The following PROM1 variants were observed in gnomAD, a reference collection of about 807,000 sequenced individuals.
PROM1 encodes the protein prominin-1.
A neutral mutation model predicts 116.9 loss-of-function variants in PROM1; 105 were observed. That is an observed-to-expected ratio of 0.90 (90% CI 0.77 to 1.06). The LOEUF is 1.06. Among genes scored for constraint, PROM1 ranks in the 50% least tolerant of loss-of-function variants. PROM1 has a pLI of 0.00. For synonymous variants in PROM1, 393 were observed against 387.0 expected (o/e 1.02, Z -0.18); for missense variants, 1,122 against 1,045.2 (o/e 1.07, Z -1.01).
At chr4:15,999,446 G>A (rs1723181873) in intron 14 of PROM1, among the ~76,000 whole-genome samples, 1 of 151,866 alleles carries the variant, frequency 6.6e-6, no homozygotes, top group African/African-American at 2.4e-5. Context: ...ACTCCAGCCT[G>A]GGTGACAGAG....
chr4:15,975,160 G>T (rs1246690034), intron 26 of PROM1, among the ~76,000 whole-genome samples: 1 of 152,126 alleles, frequency 6.6e-6, no homozygotes, highest in Non-Finnish European at 1.5e-5. Context: ...GTGGTCAAAG[G>T]GTGAATGTTT....
At chr4:16,038,431 C>T (rs1051406535) in intron 3 of PROM1, among the ~76,000 whole-genome samples, 1 of 152,168 alleles carries the variant, frequency 6.6e-6, no homozygotes, top group African/African-American at 2.4e-5. Flanking sequence ...GAGATGGAGT[C>T]TCACTCTGTC....
At chr4:16,023,190 CT>C in intron 8 of PROM1, 135 bp downstream of exon 8, 2 of 732,230 alleles carry the variant, frequency 2.7e-6, no homozygotes, top group Non-Finnish European at 2.4e-6. Context: ...GTGTCTTGAC[CT>C]GAACTGTCTG....
chr4:16,071,372 G>C (rs750640924), intron 2 of PROM1, among the ~76,000 whole-genome samples: 132 of 152,220 alleles, frequency 8.7e-4, no homozygotes, highest in Non-Finnish European at 1.7e-3. Context: ...CTCCAGCTCT[G>C]GTTCTCCCTA....
At chr4:16,038,122 A>G (rs1734342466) in intron 3 of PROM1, 1 of 152,204 alleles carries the variant, frequency 6.6e-6, no homozygotes, top group East Asian at 1.9e-4. Context: ...TTAACTAGAT[A>G]AGGTCCCTGC....
chr4:15,997,567 C>G (rs766294003), intron 15 of PROM1, among the ~76,000 whole-genome samples: 1 of 152,104 alleles, frequency 6.6e-6, no homozygotes, highest in Non-Finnish European at 1.5e-5. Flanking sequence ...TCAAGCAATT[C>G]TCTTGTCTCA....
In PROM1 at chr4:16,056,597, C is replaced by T. The variant is rs138303372; in HGVS notation, c.221-17596G>A. Among the ~76,000 whole-genome samples, 341 of 150,376 alleles carry T rather than the reference C, an allele frequency of 2.3e-3. 3 individuals are homozygous for T. The highest frequency in any genetic ancestry group is 8.1e-3 in the African/African-American group (329 of 40,850). On this transcript the variant is annotated intron_variant, in intron 2 of 27. Coordinates refer to ENST00000447510, the MANE Select transcript of PROM1 (RefSeq NM_006017.3). ...AGGTGAGGGGTGTTGGGGTGGAAGA[C>T]GATCTGTCCCTCTGAGATGACATTT...
intron 19 of PROM1, among the ~76,000 whole-genome samples, chr4:15,988,000 C>G (rs1719918206): frequency 1.3e-5 from 2 of 151,968 alleles, no homozygotes; most frequent in South Asian, 4.1e-4. Flanking sequence ...CCTCAGCCTC[C>G]TGAGTAGCTG....
intron 26 of PROM1, among the ~76,000 whole-genome samples, chr4:15,973,367 A>C (rs1217666161): frequency 6.6e-6 from 1 of 152,124 alleles, no homozygotes; most frequent in East Asian, 1.9e-4. Context: ...GAATCGCTTG[A>C]ACCCAGGAGG....
chr4:15,997,698 C>G (rs979607787), intron 15 of PROM1, among the ~76,000 whole-genome samples: 5 of 152,276 alleles, frequency 3.3e-5, no homozygotes, highest in African/African-American at 1.2e-4. Flanking sequence ...CTCCTGACCT[C>G]AGGTGATCCA....
chr4:16,058,128 G>C (rs1275942651), intron 2 of PROM1, among the ~76,000 whole-genome samples: 1 of 152,178 alleles, frequency 6.6e-6, no homozygotes, highest in Non-Finnish European at 1.5e-5. Context: ...GTAATGGAAG[G>C]AACAGGTTTC....
At chr4:16,056,965 G>A (rs1469199942) in intron 2 of PROM1, among the ~76,000 whole-genome samples, 1 of 152,220 alleles carries the variant, frequency 6.6e-6, no homozygotes, top group African/African-American at 2.4e-5. Flanking sequence ...ATTTCCATGC[G>A]AGCAAATTAG....
chr4:15,992,245 T>TAC lies in PROM1; in HGVS notation c.1911+1_1911+2dup. 2 of 1,613,878 alleles carry TAC rather than the reference T, an allele frequency of 1.2e-6. No homozygotes were observed. The highest frequency in any genetic ancestry group is 1.7e-6 in the Non-Finnish European group (2 of 1,179,848). On this transcript the variant is annotated splice_region_variant and intron_variant, in intron 17 of 27. Coordinates refer to ENST00000447510, the MANE Select transcript of PROM1 (RefSeq NM_006017.3). ...GGATCAAGCATGAACACATGCGCCA[T>TAC]ACCTGAGCCAAGTAGCTGTCATAAT... is the stretch of plus-strand genomic sequence containing the variant.
chr4:16,009,018 A>G lies in PROM1; in HGVS notation c.1232T>C (p.Val411Ala). 1 of 1,596,824 alleles carries G rather than the reference A, an allele frequency of 6.3e-7. No homozygotes were observed. The highest frequency in any genetic ancestry group is 1.1e-5 in the South Asian group (1 of 90,524). ...GTAACTTTCAGTGTTATTAACATAA[A>G]CAGAGAATGCTGAGAGTATATCCTG... is the stretch of plus-strand genomic sequence containing the variant. ...PIQDILSAFS[V>A]YVNNTESYIH... is the part of the protein sequence containing the mutation. The change falls in exon 12 of 28, where the codon GTT (valine) becomes GCT (alanine). Residue 411 changes from valine to alanine, a missense_variant. Val to Ala is a moderately conservative substitution (Grantham distance 64). Transcript: ENST00000447510.
chr4:16,070,683 T>G (rs7681738), intron 2 of PROM1, among the ~76,000 whole-genome samples: 108,846 of 152,068 alleles, frequency 0.72, 39,424 homozygotes, highest in Non-Finnish European at 0.79. Context: ...CTGTCAGATG[T>G]AGATATTTTT....
intron 8 of PROM1, among the ~76,000 whole-genome samples, chr4:16,022,634 G>A (rs549139540): frequency 2.6e-5 from 4 of 152,306 alleles, no homozygotes; most frequent in Admixed American, 2.0e-4. Context: ...TTGGCAAAAT[G>A]AGTGTTTTAC....
intron 13 of PROM1, among the ~76,000 whole-genome samples, chr4:16,001,925 G>T (rs1173169447): frequency 6.6e-6 from 1 of 152,166 alleles, no homozygotes; most frequent in Non-Finnish European, 1.5e-5. Context: ...AAAGAAAGGG[G>T]ATGATCCATT....
At chr4:15,991,492 A>G (rs1402069263) in intron 17 of PROM1, among the ~76,000 whole-genome samples, 199 bp from the exon 18 acceptor site, 3 of 152,110 alleles carry the variant, frequency 2.0e-5, no homozygotes, top group African/African-American at 7.2e-5. Flanking sequence ...ATATTATTCA[A>G]CTATGAAAAG....
chr4:16,027,568 T>A (rs899163323), intron 5 of PROM1, among the ~76,000 whole-genome samples: 1 of 152,128 alleles, frequency 6.6e-6, no homozygotes, highest in Non-Finnish European at 1.5e-5. Flanking sequence ...CACTGACCCC[T>A]CCACCCATCC....
Sources: gnomAD v4.1 joint callset for allele counts (sites outside exome capture counted in the v4.1 genomes callset) on GRCh38, gnomAD v4.1.1 for gene constraint, MANE v1.5 for transcripts, NCBI Gene and HGNC (gene_info 2026-07-23, HGNC 2026-07-21) for gene names.